The following ZFYVE28 variants were observed in gnomAD, a reference collection of about 807,000 sequenced individuals.
ZFYVE28 encodes the protein zinc finger FYVE-type containing 28.
A neutral mutation model predicts 82.1 loss-of-function variants in ZFYVE28; 40 were observed. The ratio of observed to expected loss-of-function variants is 0.49; its 90% CI spans 0.38 to 0.63. ZFYVE28 has a LOEUF of 0.63. ZFYVE28 is among the 30% of genes least tolerant of loss of function. The pLI, the probability that ZFYVE28 is intolerant of heterozygous loss-of-function variation, is 0.00. For synonymous variants in ZFYVE28, 612 were observed against 546.1 expected, an observed-to-expected ratio of 1.12 and a Z score of -1.68; for missense variants, 1,321 against 1,242.1, an observed-to-expected ratio of 1.06 and a Z score of -0.96.
chr4:2,369,678 C>A (rs572269123), intron 1 of ZFYVE28, among the ~76,000 whole-genome samples: 1 of 151,722 alleles, frequency 6.6e-6, no homozygotes, highest in Non-Finnish European at 1.5e-5. Flanking sequence ...GGGCGGAGAT[C>A]GGTGTGACGG....
At chr4:2,347,837 C>T (rs1723813732) in intron 2 of ZFYVE28, among the ~76,000 whole-genome samples, 1 of 152,032 alleles carries the variant, frequency 6.6e-6, no homozygotes, top group Non-Finnish European at 1.5e-5. Context: ...CATTCTCTAA[C>T]CTCAGTTGCC....
chr4:2,303,118 C>T (rs1479514954), intron 8 of ZFYVE28, among the ~76,000 whole-genome samples: 1 of 152,184 alleles, frequency 6.6e-6, no homozygotes, highest in Non-Finnish European at 1.5e-5. Context: ...GAACCAGGCC[C>T]AGCCCACCCA....
At position 2,341,691 on chromosome 4, in the gene ZFYVE28, G is replaced by T. The variant is rs529574813; in HGVS notation, c.181-76C>A. On this transcript the variant is annotated intron_variant, in intron 2 of 12. Coordinates refer to ENST00000290974, the MANE Select transcript of ZFYVE28 (RefSeq NM_020972.3). This position sits in a 1 kb window ranked among gnomAD's most constrained non-coding sequence, Gnocchi z 4.5. Reference sequence around the variant, plus strand: ...GCCGCCATGTACTGCTGGAAAACACGCACGGTGCATGTGACTGTTTTTTAG... The same window carrying T: ...GCCGCCATGTACTGCTGGAAAACACTCACGGTGCATGTGACTGTTTTTTAG... The T allele has an allele frequency of 6.4e-7, 1 of 1,555,440 alleles. No homozygotes were observed. The highest frequency in any genetic ancestry group is 8.8e-7 in the Non-Finnish European group (1 of 1,139,832).
At chr4:2,308,627 C>CAGAAAGAA (rs58958771) in intron 7 of ZFYVE28, among the ~76,000 whole-genome samples, 2,465 of 79,406 alleles carry the variant, frequency 0.031, 118 homozygotes, top group East Asian at 0.11. Flanking sequence ...AGAAAGAAGA[C>CAGAAAGAA]AGAAAGAAAG....
rs1716286091 is a variant in ZFYVE28 at position 2,304,838 on chromosome 4, G to A, written c.1502C>T (p.Ala501Val). 2 of 1,612,496 alleles carry A rather than the reference G, an allele frequency of 1.2e-6. No individual in the cohort carries two copies. Among genetic ancestry groups the A allele is most frequent in the South Asian group, 1.1e-5 (1 of 91,072 alleles). Residue 501 changes from alanine (A) to valine (V), a missense_variant, in exon 8 of 13, where the codon GCT (alanine) becomes GTT (valine). Around this residue, in one of 2 missense-constraint regions of ZFYVE28, gnomAD observed 978 missense variants for 833.7 expected, o/e 1.17. Transcript: ENST00000290974. ...CCCTGTCCGGTGGGCGATCATCTCA[G>A]CCGTCTCTGCGTCATCCGCACCCAC... ...WEVGADDAETAEMIAHRTGGM... is the reference protein window; with the variant it reads ...WEVGADDAETVEMIAHRTGGM...
Position 2,338,429 on chromosome 4 carries a change from G to C in ZFYVE28, c.522-933C>G, listed in dbSNP as rs73203397. Among the ~76,000 whole-genome samples, 536 of 152,198 alleles carry C rather than the reference G, an allele frequency of 3.5e-3. 2 individuals are homozygous for C. Among genetic ancestry groups the C allele is most frequent in the South Asian group, 6.8e-3 (33 of 4,818 alleles). ...AACATGGTAAAACCCTGTATCTACT[G>C]AAAACACAAAAAAATGAGCCAGGCG... On this transcript the variant is annotated intron_variant, in intron 4 of 12. Transcript: ENST00000290974.
intron 6 of ZFYVE28, chr4:2,330,819 G>C: frequency 6.5e-7 from 1 of 1,534,240 alleles, no homozygotes. Flanking sequence ...CAGCATGGTG[G>C]AGACCCAGGG....
intron 6 of ZFYVE28, among the ~76,000 whole-genome samples, chr4:2,327,251 AATAT>A (rs67940269): frequency 1.1e-3 from 99 of 87,088 alleles, no homozygotes; most frequent in South Asian, 1.6e-3. Flanking sequence ...CTCCATCTCA[AATAT>A]ATATATATAT....
intron 1 of ZFYVE28, among the ~76,000 whole-genome samples, chr4:2,369,619 G>A (rs1727275341): frequency 2.0e-5 from 3 of 152,124 alleles, no homozygotes; most frequent in Admixed American, 1.3e-4. Flanking sequence ...GTGACAGGTG[G>A]CCTTAGAGAA....
intron 1 of ZFYVE28, among the ~76,000 whole-genome samples, chr4:2,390,669 A>G (rs1729727998): frequency 1.3e-5 from 2 of 152,232 alleles, no homozygotes; most frequent in Admixed American, 1.3e-4. Flanking sequence ...AAGCCAAAAT[A>G]TCAACACAGT....
chr4:2,392,240 T>G (rs1279138262), intron 1 of ZFYVE28, among the ~76,000 whole-genome samples: 1 of 151,368 alleles, frequency 6.6e-6, no homozygotes, highest in African/African-American at 2.4e-5. Context: ...ATAAAGCAGC[T>G]CCCTGAGGGA....
Position 2,320,783 on chromosome 4 carries a change from G to A in ZFYVE28, c.702-512C>T, listed in dbSNP as rs926623262. Among the ~76,000 whole-genome samples, 12 of 152,130 alleles carry A rather than the reference G, an allele frequency of 7.9e-5. No individual in the cohort carries two copies. The highest frequency in any genetic ancestry group is 1.2e-4 in the African/African-American group (5 of 41,424). ...CTCCACAAGCCACGAGACCAAAGCAGCCTCCCCTCATCCCCCACACAGGAC... is the reference window on the plus strand; with the variant it reads ...CTCCACAAGCCACGAGACCAAAGCAACCTCCCCTCATCCCCCACACAGGAC... On this transcript the variant is annotated intron_variant, in intron 6 of 12. Transcript: ENST00000290974. The surrounding 1 kb of genome is among the most constrained non-coding windows in gnomAD (Gnocchi z 5.1).
In ZFYVE28 at chr4:2,270,714, CT is replaced by C; in HGVS notation, c.*10del. The C allele has an allele frequency of 6.2e-7, 1 of 1,612,950 alleles. No individual in the cohort carries two copies. Among genetic ancestry groups the C allele is most frequent in the East Asian group, 2.2e-5 (1 of 44,882 alleles). The stretch of plus-strand genomic sequence containing the variant: ...TGGCCCGGGTGGGTTGGGGCTGCCC[CT>C]GGCACCACGTCACAGGCCGGCCTTG... On this transcript the variant is annotated 3_prime_UTR_variant, in exon 13 of 13. Coordinates refer to ENST00000290974, the MANE Select transcript of ZFYVE28 (RefSeq NM_020972.3).
intron 8 of ZFYVE28, among the ~76,000 whole-genome samples, chr4:2,293,372 G>T (rs1714027044): frequency 6.6e-6 from 1 of 151,618 alleles, no homozygotes; most frequent in Non-Finnish European, 1.5e-5. Context: ...CAGATGACAA[G>T]ATCATCTATG....
At chr4:2,346,239 G>A (rs1243072615) in intron 2 of ZFYVE28, among the ~76,000 whole-genome samples, 2 of 142,312 alleles carry the variant, frequency 1.4e-5, no homozygotes, top group African/African-American at 3.0e-5. Context: ...CTACGTGGGG[G>A]GCTGAGGCAG....
intron 8 of ZFYVE28, among the ~76,000 whole-genome samples, chr4:2,280,735 G>C (rs1054696673): frequency 6.6e-6 from 1 of 152,228 alleles, no homozygotes; most frequent in Admixed American, 6.5e-5. Context: ...GCTGGCAGCA[G>C]ATGGCACCCT....
chr4:2,290,634 G>A (rs1277545345), intron 8 of ZFYVE28, among the ~76,000 whole-genome samples: 11 of 152,188 alleles, frequency 7.2e-5, no homozygotes, highest in African/African-American at 2.4e-4. Context: ...TGACGTCCAC[G>A]GCTCACCAGG....
chr4:2,322,770 C>A (rs1227532228), intron 6 of ZFYVE28, among the ~76,000 whole-genome samples: 1 of 152,188 alleles, frequency 6.6e-6, no homozygotes, highest in Non-Finnish European at 1.5e-5. Flanking sequence ...CAGCCACTGG[C>A]AATCCCTCAT....
intron 8 of ZFYVE28, among the ~76,000 whole-genome samples, chr4:2,302,911 C>G (rs992889408): frequency 1.3e-5 from 2 of 152,248 alleles, no homozygotes; most frequent in African/African-American, 4.8e-5. Context: ...TATCCTAAGT[C>G]AGAAATGCAT....
Sources: allele counts gnomAD v4.1 joint callset (sites outside exome capture counted in the v4.1 genomes callset), GRCh38; gene constraint gnomAD v4.1.1; regional missense constraint gnomAD v4.1.1; non-coding constraint Gnocchi (gnomAD v3.1); transcripts MANE v1.5; gene names NCBI Gene and HGNC (gene_info 2026-07-23, HGNC 2026-07-21).